Variants in SFMBT2 observed in about 807,000 individuals in gnomAD.
The protein encoded by SFMBT2 is Scm like with four mbt domains 2.
Under a neutral mutation model 110.1 loss-of-function variants are expected in SFMBT2, and 38 were observed. The ratio of observed to expected loss-of-function variants is 0.35; its 90% CI spans 0.27 to 0.45. SFMBT2 has a LOEUF of 0.45. Ranked by LOEUF, SFMBT2 falls within the 20% of genes least tolerant of loss-of-function variation. The pLI, the probability that SFMBT2 is intolerant of heterozygous loss-of-function variation, is 1.00. For synonymous variants in SFMBT2, 425 were observed against 425.4 expected (o/e 1.00, Z 0.01); for missense variants, 1,011 against 1,094.9 (o/e 0.92, Z 1.08).
chr10:7,214,991 T>C (rs1177249823), intron 11 of SFMBT2, among the ~76,000 whole-genome samples: 2 of 152,240 alleles, frequency 1.3e-5, no homozygotes, highest in Admixed American at 6.5e-5. Context: ...TCTTGTGACA[T>C]GAAAGGCATT....
Position 7,293,594 on chromosome 10 carries a change from G to T in SFMBT2, c.437-7640C>A, listed in dbSNP as rs1225118580. Among the ~76,000 whole-genome samples the T allele has an allele frequency of 1.3e-5, 2 of 152,166 alleles. No homozygotes were observed. The highest frequency in any genetic ancestry group is 4.8e-5 in the African/African-American group (2 of 41,436). ...CTCCACTGGCCCTCATAGTCGTTAA[G>T]ATCATTAAGATGACTATGAGATACT... is the stretch of plus-strand genomic sequence containing the variant. On this transcript the variant is annotated intron_variant, in intron 4 of 20. Transcript: ENST00000397167. The surrounding 1 kb of genome is among the most constrained non-coding windows in gnomAD (Gnocchi z 4.6).
chr10:7,342,165 T>C (rs755107154), intron 4 of SFMBT2, among the ~76,000 whole-genome samples: 5 of 151,612 alleles, frequency 3.3e-5, no homozygotes, highest in East Asian at 1.9e-4. Context: ...TACCAGCGAA[T>C]TGGATAGTAC....
At chr10:7,262,247 G>A (rs932688502) in intron 7 of SFMBT2, among the ~76,000 whole-genome samples, 1 of 149,884 alleles carries the variant, frequency 6.7e-6, no homozygotes, top group Admixed American at 6.6e-5. Context: ...TTTTTGGAGG[G>A]GGGATGGGGG....
intron 7 of SFMBT2, 70 bp downstream of exon 7, chr10:7,276,822 G>A (rs546316237): frequency 5.2e-5 from 41 of 793,426 alleles, no homozygotes; most frequent in African/African-American, 1.0e-4. Flanking sequence ...CACTGCGCCC[G>A]GCCGGAAAAC....
chr10:7,403,787 G>C (rs1268437607), intron 1 of SFMBT2, among the ~76,000 whole-genome samples: 1 of 152,058 alleles, frequency 6.6e-6, no homozygotes, highest in Non-Finnish European at 1.5e-5. Context: ...TGGTGCTCTG[G>C]GCAAGTAACT....
chr10:7,248,735 A>G (rs544266572), intron 7 of SFMBT2, 86 bp from the exon 8 acceptor site: 498 of 1,137,226 alleles, frequency 4.4e-4, no homozygotes, highest in Middle Eastern at 1.8e-3. Context: ...GGAGCATTTT[A>G]TTGGGCAACC....
chr10:7,362,284 C>T (rs1188518517), intron 4 of SFMBT2, among the ~76,000 whole-genome samples: 3 of 152,142 alleles, frequency 2.0e-5, no homozygotes, highest in African/African-American at 7.2e-5. Flanking sequence ...TGGAGCTCTG[C>T]CTGCTGATGG....
chr10:7,183,199 A>T (rs1378007661), intron 16 of SFMBT2, among the ~76,000 whole-genome samples: 1 of 152,182 alleles, frequency 6.6e-6, no homozygotes, highest in Non-Finnish European at 1.5e-5. Context: ...GACGGAGGAG[A>T]AAGTTGTAAG....
chr10:7,191,801 T>C (rs980718647), intron 15 of SFMBT2, among the ~76,000 whole-genome samples: 1 of 152,232 alleles, frequency 6.6e-6, no homozygotes, highest in Non-Finnish European at 1.5e-5. Context: ...TCTATAGATA[T>C]TTTTTGAATT....
At chr10:7,353,883 C>T (rs911221689) in intron 4 of SFMBT2, among the ~76,000 whole-genome samples, 3 of 152,022 alleles carry the variant, frequency 2.0e-5, no homozygotes, top group African/African-American at 4.8e-5. Context: ...GTCAGCAGTT[C>T]GAGACCAGCC....
intron 4 of SFMBT2, among the ~76,000 whole-genome samples, chr10:7,288,415 T>C (rs1202961219): frequency 6.6e-6 from 1 of 152,232 alleles, no homozygotes; most frequent in Non-Finnish European, 1.5e-5. Flanking sequence ...CCTTATTTTA[T>C]ACATACTCAC....
At chr10:7,183,426 G>A (rs936955932) in intron 16 of SFMBT2, among the ~76,000 whole-genome samples, 3 of 152,210 alleles carry the variant, frequency 2.0e-5, no homozygotes, top group African/African-American at 4.8e-5. Context: ...GAAAACACAG[G>A]AGATGCTCTT....
intron 10 of SFMBT2, among the ~76,000 whole-genome samples, 199 bp from the exon 11 acceptor site, chr10:7,220,736 G>T (rs890481975): frequency 1.3e-5 from 2 of 152,176 alleles, no homozygotes; most frequent in East Asian, 3.8e-4. Context: ...TTAGAACTAT[G>T]CCTAGCACAT....
At chr10:7,267,523 C>T (rs905079070) in intron 7 of SFMBT2, among the ~76,000 whole-genome samples, 3 of 152,216 alleles carry the variant, frequency 2.0e-5, no homozygotes, top group African/African-American at 7.2e-5. Flanking sequence ...TCTCAGCTCA[C>T]TGCAACCTCC....
At chr10:7,341,523 TG>T (rs1843903118) in intron 4 of SFMBT2, among the ~76,000 whole-genome samples, 1 of 152,188 alleles carries the variant, frequency 6.6e-6, no homozygotes, top group Non-Finnish European at 1.5e-5. Context: ...AACAAATTTT[TG>T]AGGAGATAGA....
chr10:7,196,945 G>C (rs942517028), intron 15 of SFMBT2, among the ~76,000 whole-genome samples: 3 of 152,200 alleles, frequency 2.0e-5, no homozygotes, highest in Non-Finnish European at 4.4e-5. Flanking sequence ...GTCGTCGCCC[G>C]AAGGCAGCAG....
chr10:7,273,713 G>A (rs186635009), intron 7 of SFMBT2, among the ~76,000 whole-genome samples: 8 of 152,250 alleles, frequency 5.3e-5, no homozygotes, highest in Admixed American at 4.6e-4. Context: ...GAGAACATGC[G>A]GTGTTTGATT....
At chr10:7,308,332 A>G (rs1842753596) in intron 4 of SFMBT2, among the ~76,000 whole-genome samples, 1 of 152,162 alleles carries the variant, frequency 6.6e-6, no homozygotes, top group Non-Finnish European at 1.5e-5. Context: ...TGCACTCTCC[A>G]GAGCGATGGA....
At chr10:7,253,081 A>G (rs1030884707) in intron 7 of SFMBT2, among the ~76,000 whole-genome samples, 3 of 152,170 alleles carry the variant, frequency 2.0e-5, no homozygotes, top group Non-Finnish European at 4.4e-5. Flanking sequence ...GTTGATGAAC[A>G]CTTCCATGTG....
Sources: gnomAD v4.1 joint callset for allele counts (sites outside exome capture counted in the v4.1 genomes callset) on GRCh38, gnomAD v4.1.1 for gene constraint, Gnocchi (gnomAD v3.1) non-coding constraint, MANE v1.5 for transcripts, NCBI Gene and HGNC (gene_info 2026-07-23, HGNC 2026-07-21) for gene names.